Variants in SMYD3 observed in about 807,000 individuals in gnomAD.
SMYD3 encodes the protein SET and MYND domain containing 3.
Under a neutral mutation model 57.7 loss-of-function variants are expected in SMYD3, and 36 were observed. The ratio of observed to expected loss-of-function variants is 0.62; its 90% CI spans 0.48 to 0.82. The LOEUF (loss-of-function observed/expected upper bound fraction) is 0.82. SMYD3 is among the 40% of genes least tolerant of loss of function. The probability of loss-of-function intolerance (pLI) is 0.00; values close to 1 mark genes in which losing one functional copy is unlikely to be tolerated. For synonymous variants in SMYD3, 211 were observed against 195.0 expected (o/e 1.08, Z -0.68); for missense variants, 515 against 538.8 (o/e 0.96, Z 0.44).
intron 2 of SMYD3, among the ~76,000 whole-genome samples, chr1:246,349,141 C>T (rs540416598): frequency 6.6e-6 from 1 of 152,116 alleles, no homozygotes; most frequent in South Asian, 2.1e-4. Flanking sequence ...CTTAGATCTA[C>T]ATAAAGAAAG....
intron 5 of SMYD3, among the ~76,000 whole-genome samples, chr1:246,065,718 G>A (rs2060329402): frequency 6.6e-6 from 1 of 152,156 alleles, no homozygotes. Context: ...CTTCAAATGT[G>A]AGAATGTTCT....
intron 10 of SMYD3, among the ~76,000 whole-genome samples, chr1:245,853,677 A>C (rs1197034862): frequency 6.6e-6 from 1 of 152,156 alleles, no homozygotes; most frequent in African/African-American, 2.4e-5. Flanking sequence ...TTATGAGGAA[A>C]TCTCATAGTT....
intron 10 of SMYD3, among the ~76,000 whole-genome samples, chr1:245,803,639 G>T (rs1260588031): frequency 6.6e-6 from 1 of 152,214 alleles, no homozygotes; most frequent in Non-Finnish European, 1.5e-5. Flanking sequence ...CGACATTATA[G>T]AAATGCCTTC....
At chr1:246,236,094 A>G (rs1384825436) in intron 5 of SMYD3, among the ~76,000 whole-genome samples, 2 of 152,182 alleles carry the variant, frequency 1.3e-5, no homozygotes, top group East Asian at 3.8e-4. Context: ...CTCAAACTCT[A>G]TACAGTATTA....
intron 1 of SMYD3, among the ~76,000 whole-genome samples, chr1:246,362,573 G>A (rs1352814242): frequency 1.3e-5 from 2 of 152,274 alleles, no homozygotes; most frequent in Admixed American, 6.5e-5. Flanking sequence ...TGATTCTCCC[G>A]CCTCAGCCTG....
chr1:246,394,705 G>A (rs2066628814), intron 1 of SMYD3, among the ~76,000 whole-genome samples: 2 of 151,658 alleles, frequency 1.3e-5, no homozygotes, highest in Admixed American at 1.3e-4. Context: ...TGATATAAGA[G>A]AGGCTCCCGA....
At chr1:245,793,170 A>G (rs12066346) in intron 10 of SMYD3, among the ~76,000 whole-genome samples, 15,181 of 148,980 alleles carry the variant, frequency 0.1, 1,704 homozygotes, top group African/African-American at 0.28. Context: ...TGAGCCGGGC[A>G]TGGTGGCGGG....
intron 10 of SMYD3, among the ~76,000 whole-genome samples, chr1:245,831,924 A>G (rs530924915): frequency 6.6e-6 from 1 of 152,306 alleles, no homozygotes; most frequent in South Asian, 2.1e-4. Context: ...CATTGCCTAA[A>G]TCAACGGTCA....
intron 10 of SMYD3, among the ~76,000 whole-genome samples, chr1:245,843,281 G>C (rs1273155396): frequency 1.3e-5 from 2 of 152,116 alleles, no homozygotes; most frequent in Non-Finnish European, 2.9e-5. Flanking sequence ...CAGCCTGGTG[G>C]GGAACTAGTG....
At chr1:246,334,309 T>C (rs1195398501) in intron 3 of SMYD3, among the ~76,000 whole-genome samples, 1 of 152,148 alleles carries the variant, frequency 6.6e-6, no homozygotes, top group Admixed American at 6.5e-5. Context: ...GGAATCAATC[T>C]AGGTGCCCAT....
At chr1:246,384,597 A>G (rs968261725) in intron 1 of SMYD3, among the ~76,000 whole-genome samples, 9 of 152,248 alleles carry the variant, frequency 5.9e-5, no homozygotes, top group African/African-American at 1.9e-4. Flanking sequence ...AGGTTTCACC[A>G]TGTTGGCCAG....
At chr1:246,362,536 A>G (rs1347354164) in intron 1 of SMYD3, among the ~76,000 whole-genome samples, 3 of 152,142 alleles carry the variant, frequency 2.0e-5, no homozygotes, top group African/African-American at 7.2e-5. Context: ...TACTGCTGCC[A>G]TCTCGGCTCA....
chr1:246,182,980 A>G (rs1481632226), intron 5 of SMYD3, among the ~76,000 whole-genome samples: 1 of 152,208 alleles, frequency 6.6e-6, no homozygotes, highest in Non-Finnish European at 1.5e-5. Context: ...CAGTTAGCAC[A>G]TTGCTAAATT....
chr1:245,822,065 A>G (rs1183331030), intron 10 of SMYD3, among the ~76,000 whole-genome samples: 1 of 152,228 alleles, frequency 6.6e-6, no homozygotes, highest in Non-Finnish European at 1.5e-5. Flanking sequence ...CCAAAGGATT[A>G]TAAATCATGC....
intron 1 of SMYD3, among the ~76,000 whole-genome samples, chr1:246,393,847 C>T (rs1262166251): frequency 6.6e-6 from 1 of 151,986 alleles, no homozygotes; most frequent in Non-Finnish European, 1.5e-5. Flanking sequence ...AGAGCAAGAC[C>T]CTGTCTTTAT....
chr1:245,886,802 C>T (rs975448944), intron 8 of SMYD3, among the ~76,000 whole-genome samples: 3 of 152,108 alleles, frequency 2.0e-5, no homozygotes, highest in Non-Finnish European at 2.9e-5. Flanking sequence ...CTGGCTATTG[C>T]GGGTCGAAAG....
chr1:246,122,864 A>G (rs2061444677), intron 5 of SMYD3, among the ~76,000 whole-genome samples: 1 of 152,230 alleles, frequency 6.6e-6, no homozygotes, highest in Admixed American at 6.5e-5. Flanking sequence ...GCCATGATTA[A>G]CTTCAGGCCA....
rs1240822320 is a variant in SMYD3, at chr1:245,915,518, C to T, written c.813+12G>A. 6.4e-7 allele frequency: 1 copy of T among 1,574,794 alleles called. No individual in the cohort carries two copies. Among genetic ancestry groups the T allele is most frequent in the Non-Finnish European group, 8.7e-7 (1 of 1,145,728 alleles). ...CCGTGGAGGTGTTTCAATCTGGTTC[C>T]ATACTACATACCTTGTCCTGGGTTT... On this transcript the variant is annotated intron_variant, in intron 8 of 11. Coordinates refer to ENST00000490107, the MANE Select transcript of SMYD3 (RefSeq NM_001167740.2).
intron 10 of SMYD3, among the ~76,000 whole-genome samples, chr1:245,838,996 C>T (rs900225537): frequency 6.6e-6 from 1 of 152,104 alleles, no homozygotes; most frequent in Non-Finnish European, 1.5e-5. Flanking sequence ...GGCTTGATTG[C>T]TCGTCTGCAG....
Sources: gnomAD v4.1 joint callset for allele counts (sites outside exome capture counted in the v4.1 genomes callset) on GRCh38, gnomAD v4.1.1 for gene constraint, MANE v1.5 for transcripts, NCBI Gene and HGNC (gene_info 2026-07-23, HGNC 2026-07-21) for gene names.